The following HYAL4 variants were observed in gnomAD, a reference collection of about 807,000 sequenced individuals.
The protein encoded by HYAL4 is hyaluronidase 4.
Under a neutral mutation model 35.2 loss-of-function variants are expected in HYAL4, and 37 were observed. The ratio of observed to expected loss-of-function variants is 1.05; its 90% CI spans 0.81 to 1.38. The LOEUF is 1.38. HYAL4 is among the 40% of genes most tolerant of loss of function. HYAL4 has a pLI of 0.00. For synonymous variants in HYAL4, 198 were observed against 203.2 expected, an observed-to-expected ratio of 0.97 and a Z score of 0.22; for missense variants, 572 against 572.4, an observed-to-expected ratio of 1.00 and a Z score of 0.01.
Position 123,877,090 on chromosome 7 carries a change from TCTC to T in HYAL4, c.1384_1386del (p.Pro462del), listed in dbSNP as rs1255456478. 5.6e-6 allele frequency: 9 copies of T among 1,614,106 alleles called. No individual in the cohort carries two copies. The highest frequency in any genetic ancestry group is 6.8e-6 in the Non-Finnish European group (8 of 1,180,044). On this transcript the variant is annotated inframe_deletion, in exon 5 of 5. Coordinates refer to ENST00000223026, the MANE Select transcript of HYAL4 (RefSeq NM_012269.3). ...TGATGGCTGCTCTGGGGTTTCCCCT[TCTC>T]CTGGTTCACTAATGACACTTTGTCT...
intron 2 of HYAL4, among the ~76,000 whole-genome samples, chr7:123,863,349 T>A (rs1806618592): frequency 6.6e-6 from 1 of 152,130 alleles, no homozygotes; most frequent in Non-Finnish European, 1.5e-5. Context: ...CATCATACAA[T>A]GTCAGTGTTC....
At chr7:123,807,914 A>ATTATT in the HYAL4 span, among the ~76,000 whole-genome samples, 5 of 136,572 alleles carry the variant, frequency 3.7e-5, no homozygotes, top group African/African-American at 8.2e-5. Flanking sequence ...TTAGCTGGAT[A>ATTATT]ATTATTATTA....
chr7:123,871,192 GA>G (rs1269770492), intron 3 of HYAL4, among the ~76,000 whole-genome samples: 2 of 149,818 alleles, frequency 1.3e-5, no homozygotes, highest in Non-Finnish European at 3.0e-5. Context: ...ATCTGCCCAT[GA>G]TTTTTTTTTT....
chr7:123,771,662 C>G, the HYAL4 span, among the ~76,000 whole-genome samples: 1 of 152,120 alleles, frequency 6.6e-6, no homozygotes, highest in African/African-American at 2.4e-5. Context: ...ATACCAATTA[C>G]TTGACTTATT....
At chr7:123,854,201 G>A (rs557736107) in intron 2 of HYAL4, among the ~76,000 whole-genome samples, 138 of 152,180 alleles carry the variant, frequency 9.1e-4, no homozygotes, top group Admixed American at 1.3e-3. Flanking sequence ...TTTTTGAAAG[G>A]TTTTTCATGT....
upstream of HYAL4, among the ~76,000 whole-genome samples, chr7:123,840,318 G>A (rs941587996): frequency 1.3e-5 from 2 of 152,018 alleles, no homozygotes; most frequent in Non-Finnish European, 2.9e-5. Context: ...GTTATTTCTA[G>A]GGCCTCTGTT....
At chr7:123,779,923 A>G in the HYAL4 span, among the ~76,000 whole-genome samples, 1 of 152,168 alleles carries the variant, frequency 6.6e-6, no homozygotes, top group East Asian at 1.9e-4. Context: ...TAAACACATC[A>G]AATACACATA....
upstream of HYAL4, among the ~76,000 whole-genome samples, chr7:123,828,427 TACACACACACACACAC>T (rs34327472): frequency 1.4e-5 from 2 of 141,306 alleles, no homozygotes; most frequent in Non-Finnish European, 3.1e-5. Flanking sequence ...TGTTCATAAT[TACACACACACACACAC>T]ACACACACAC....
At position 123,876,789 on chromosome 7, in the gene HYAL4, T is replaced by C. The variant is rs1223470944; in HGVS notation, c.1080T>C (p.Ser360=). Residue 360 remains serine (S), a synonymous_variant, in exon 5 of 5, where the codon TCT becomes TCC. Coordinates refer to ENST00000223026, the MANE Select transcript of HYAL4 (RefSeq NM_012269.3). ...NCTKVKQFVS[S]DLGSYIANVT... ...CAAAGGTGAAGCAGTTTGTGAGTTC[T>C]GATTTAGGGAGCTACATAGCCAATG... 6.2e-7 allele frequency: 1 copy of C among 1,614,004 alleles called. No homozygotes were observed. The highest frequency in any genetic ancestry group is 1.7e-5 in the Admixed American group (1 of 60,014).
At chr7:123,818,684 CAAAT>C in the HYAL4 span, among the ~76,000 whole-genome samples, 2 of 152,206 alleles carry the variant, frequency 1.3e-5, no homozygotes, top group South Asian at 2.1e-4. Flanking sequence ...AAATATTTCT[CAAAT>C]AAATCTAAGA....
At chr7:123,848,438 G>C (rs1283051723) in intron 2 of HYAL4, among the ~76,000 whole-genome samples, 3 of 152,004 alleles carry the variant, frequency 2.0e-5, no homozygotes, top group African/African-American at 7.3e-5. Context: ...CCACTTTAAT[G>C]ACTACTCAAG....
At chr7:123,866,247 A>T (rs1170706407) in intron 2 of HYAL4, among the ~76,000 whole-genome samples, 1 of 152,216 alleles carries the variant, frequency 6.6e-6, no homozygotes, top group Non-Finnish European at 1.5e-5. Context: ...ACTTAACAGT[A>T]ACATTATGGG....
chr7:123,803,726 A>C, the HYAL4 span, among the ~76,000 whole-genome samples: 1 of 152,236 alleles, frequency 6.6e-6, no homozygotes, highest in Non-Finnish European at 1.5e-5. Context: ...AACTGCCTGC[A>C]GCAGATCTCC....
intron 1 of HYAL4, among the ~76,000 whole-genome samples, chr7:123,829,437 A>T (rs1562990469): frequency 6.6e-6 from 1 of 152,186 alleles, no homozygotes; most frequent in Non-Finnish European, 1.5e-5. Flanking sequence ...TTCAACCTCA[A>T]GCCTCTCCCA....
At chr7:123,787,638 A>G in the HYAL4 span, among the ~76,000 whole-genome samples, 1 of 152,122 alleles carries the variant, frequency 6.6e-6, no homozygotes, top group Non-Finnish European at 1.5e-5. Context: ...GGCCCAGTCA[A>G]CCCCATCATC....
chr7:123,801,713 A>G, the HYAL4 span, among the ~76,000 whole-genome samples: 1 of 152,188 alleles, frequency 6.6e-6, no homozygotes, highest in Admixed American at 6.5e-5. Flanking sequence ...GCTAAGTAGA[A>G]GTTATTACAA....
At chr7:123,793,254 C>A in the HYAL4 span, among the ~76,000 whole-genome samples, 1 of 152,224 alleles carries the variant, frequency 6.6e-6, no homozygotes, top group Non-Finnish European at 1.5e-5. Flanking sequence ...GCTTGCCACA[C>A]AATAAGCTAC....
chr7:123,776,438 T>C, the HYAL4 span, among the ~76,000 whole-genome samples: 2 of 152,066 alleles, frequency 1.3e-5, no homozygotes, highest in Non-Finnish European at 2.9e-5. Context: ...TTTTTTGAGA[T>C]GGGGAATCAC....
intron 2 of HYAL4, among the ~76,000 whole-genome samples, chr7:123,852,287 G>C (rs760476645): frequency 5.3e-5 from 8 of 152,094 alleles, no homozygotes; most frequent in Non-Finnish European, 1.0e-4. Context: ...CATTGCTTTT[G>C]GTGTTTCAGC....
Sources: allele counts gnomAD v4.1 joint callset (sites outside exome capture counted in the v4.1 genomes callset), GRCh38; gene constraint gnomAD v4.1.1; transcripts MANE v1.5; gene names NCBI Gene and HGNC (gene_info 2026-07-23, HGNC 2026-07-21).